Variants in XIRP2 observed in about 807,000 individuals in gnomAD.
XIRP2 encodes xin actin-binding repeat-containing protein 2.
XIRP2 carries 236 observed loss-of-function variants against 277.0 expected under a neutral mutation model. The observed-to-expected ratio is 0.85, with a 90% CI of 0.77 to 0.95. The LOEUF is 0.95. Ranked by LOEUF, XIRP2 falls within the 40% of genes least tolerant of loss-of-function variation. The pLI is 0.00. For missense variants in XIRP2, 4,640 were observed against 4,157.5 expected (o/e 1.12, Z -3.19); for synonymous variants, 1,490 against 1,416.5 (o/e 1.05, Z -1.17).
Position 167,248,431 on chromosome 2 carries a change from C to T in XIRP2, c.7039C>T (p.Pro2347Ser). The part of the protein sequence containing the change: ...EFESFPGLPL[P>S]PPPVDEKSER... ...TGAAAGTTTTCCAGGCCTCCCTCTT[C>T]CTCCACCTCCAGTAGATGAGAAATC... Residue 2347 changes from proline to serine, a missense_variant, in exon 9 of 11, where the codon CCT (proline) becomes TCT (serine). Physicochemically the swap from Pro to Ser is moderately conservative, Grantham distance 74. Transcript: ENST00000409195. The T allele has an allele frequency of 6.2e-7, 1 of 1,613,848 alleles. No individual in the cohort carries two copies. Among genetic ancestry groups the T allele is most frequent in the Non-Finnish European group, 8.5e-7 (1 of 1,179,866 alleles).
intron 2 of XIRP2, among the ~76,000 whole-genome samples, chr2:166,980,704 C>A (rs759031979): frequency 2.6e-5 from 4 of 152,150 alleles, no homozygotes; most frequent in Non-Finnish European, 5.9e-5. Flanking sequence ...AGGCATGAGC[C>A]ACCATGCCCA....
chr2:167,032,867 A>G (rs537278180), intron 2 of XIRP2, among the ~76,000 whole-genome samples: 1 of 152,300 alleles, frequency 6.6e-6, no homozygotes, highest in South Asian at 2.1e-4. Context: ...TAGTTCAACC[A>G]TTGTAGAAGA....
intron 2 of XIRP2, among the ~76,000 whole-genome samples, chr2:167,111,220 G>T (rs1690746261): frequency 6.6e-6 from 1 of 152,082 alleles, no homozygotes; most frequent in East Asian, 1.9e-4. Context: ...TTATGAATAG[G>T]AGTGGTAAGA....
chr2:167,235,491 A>G (rs1242305603), intron 5 of XIRP2, among the ~76,000 whole-genome samples: 2 of 151,994 alleles, frequency 1.3e-5, no homozygotes, highest in East Asian at 3.9e-4. Flanking sequence ...TTGACATTTT[A>G]TTGGCTATCT....
chr2:167,029,390 G>A (rs138013583), intron 2 of XIRP2, among the ~76,000 whole-genome samples: 109 of 152,156 alleles, frequency 7.2e-4, no homozygotes, highest in African/African-American at 2.5e-3. Flanking sequence ...TCAATACCTA[G>A]CTTATTGAGA....
chr2:167,204,675 G>A (rs1459307169), intron 3 of XIRP2, among the ~76,000 whole-genome samples: 11 of 152,088 alleles, frequency 7.2e-5, no homozygotes, highest in Non-Finnish European at 1.3e-4. Context: ...GTTTTCACTT[G>A]TAAATCATTC....
chr2:167,120,888 A>T (rs1389504855), intron 2 of XIRP2, among the ~76,000 whole-genome samples: 1 of 152,214 alleles, frequency 6.6e-6, no homozygotes. Context: ...TTGAATGTAG[A>T]AAACCATTCC....
intron 5 of XIRP2, among the ~76,000 whole-genome samples, chr2:167,223,283 A>G (rs966007532): frequency 6.6e-6 from 1 of 152,162 alleles, no homozygotes; most frequent in Non-Finnish European, 1.5e-5. Flanking sequence ...AATAAGTGCA[A>G]TCCAGTGCTG....
intron 2 of XIRP2, among the ~76,000 whole-genome samples, chr2:166,971,008 A>G (rs571526547): frequency 2.0e-5 from 3 of 152,076 alleles, no homozygotes; most frequent in African/African-American, 7.2e-5. Context: ...ATGTTGGTAC[A>G]TGATGGCTAT....
At chr2:166,897,631 G>C (rs1009886418) in intron 1 of XIRP2, among the ~76,000 whole-genome samples, 1 of 152,116 alleles carries the variant, frequency 6.6e-6, no homozygotes, top group South Asian at 2.1e-4. Context: ...CTAGCCTCAG[G>C]CTGAGGGAGA....
intron 3 of XIRP2, among the ~76,000 whole-genome samples, chr2:167,156,444 T>A (rs1461569357): frequency 6.6e-6 from 1 of 152,156 alleles, no homozygotes; most frequent in Non-Finnish European, 1.5e-5. Flanking sequence ...AGGTTTAGTT[T>A]GCCAGCTAGG....
intron 2 of XIRP2, among the ~76,000 whole-genome samples, chr2:166,908,904 T>C (rs1684616620): frequency 6.6e-6 from 1 of 152,230 alleles, no homozygotes; most frequent in African/African-American, 2.4e-5. Context: ...TTTTGTCAGG[T>C]TTGTCAAAGA....
At chr2:167,232,282 A>C (rs1694781010) in intron 5 of XIRP2, among the ~76,000 whole-genome samples, 1 of 152,014 alleles carries the variant, frequency 6.6e-6, no homozygotes, top group Non-Finnish European at 1.5e-5. Flanking sequence ...AAGTGTAAAT[A>C]AATTGGATAG....
At chr2:167,257,403 A>G (rs1695688323) in intron 10 of XIRP2, among the ~76,000 whole-genome samples, 1 of 151,982 alleles carries the variant, frequency 6.6e-6, no homozygotes, top group Non-Finnish European at 1.5e-5. Flanking sequence ...AAATCACTCA[A>G]TTTGTTAATC....
At chr2:166,986,755 T>C (rs1463108874) in intron 2 of XIRP2, among the ~76,000 whole-genome samples, 2 of 152,200 alleles carry the variant, frequency 1.3e-5, no homozygotes, top group Non-Finnish European at 2.9e-5. Context: ...ATTTAACTTT[T>C]TCGTGCTGTG....
Position 167,251,314 on chromosome 2 carries a change from C to T in XIRP2, c.9922C>T (p.His3308Tyr). The T allele has an allele frequency of 1.2e-6, 2 of 1,613,562 alleles. No homozygotes were observed. The highest frequency in any genetic ancestry group is 1.7e-6 in the Non-Finnish European group (2 of 1,179,660). ...KVAVPPRLSE[H>Y]TQRYEAANRT... ...TGCAGTGCCTCCTCGCCTGTCAGAG[C>T]ACACACAGAGATATGAAGCGGCCAA... Residue 3308 changes from histidine (H) to tyrosine (Y), a missense_variant, in exon 9 of 11, where the codon CAC becomes TAC. Physicochemically the swap from His to Tyr is moderately conservative, Grantham distance 83 (BLOSUM62 2). Transcript: ENST00000409195.
In XIRP2 at chr2:166,899,933, A is replaced by C. The variant is rs139796906; in HGVS notation, c.-18-3532A>C. ...ATTGTCTTTGTTTCCCACCTTCTAC[A>C]ATTGGAATAAAACTGGGAGTAGCGA... On this transcript the variant is annotated intron_variant, in intron 1 of 10. Transcript: ENST00000409195. Among the ~76,000 whole-genome samples, 358 of 152,086 alleles carry C rather than the reference A, an allele frequency of 2.4e-3. 3 individuals are homozygous for C. The highest frequency in any genetic ancestry group is 7.8e-3 in the African/African-American group (323 of 41,508).
In XIRP2 at chr2:167,018,328, C is replaced by T. The variant is rs372243903; in HGVS notation, c.408+114438C>T. Among the ~76,000 whole-genome samples, 26 of 152,104 alleles carry T rather than the reference C, an allele frequency of 1.7e-4. 2 individuals are homozygous for T. The South Asian group carries it at 5.4e-3, about 32-fold the overall frequency. The stretch of plus-strand genomic sequence containing the variant: ...TAGTCCTCAGACCCTATTTTCCTTG[C>T]ACCACTCTTAATACTATTTGTGTTA... On this transcript the variant is annotated intron_variant, in intron 2 of 10. Coordinates refer to ENST00000409195, the MANE Select transcript of XIRP2 (RefSeq NM_152381.6).
chr2:167,195,392 T>C (rs1390609426), intron 3 of XIRP2, among the ~76,000 whole-genome samples: 1 of 152,192 alleles, frequency 6.6e-6, no homozygotes, highest in Non-Finnish European at 1.5e-5. Context: ...CAATATATTC[T>C]CTCTGATCAC....
Sources: allele counts gnomAD v4.1 joint callset (sites outside exome capture counted in the v4.1 genomes callset), GRCh38; gene constraint gnomAD v4.1.1; transcripts MANE v1.5; gene names NCBI Gene and HGNC (gene_info 2026-07-23, HGNC 2026-07-21).